Variants in RNF213 observed in about 807,000 individuals in gnomAD.
RNF213 encodes the protein E3 ubiquitin-protein ligase RNF213.
RNF213 carries 341 observed loss-of-function variants against 514.4 expected under a neutral mutation model. The observed-to-expected ratio is 0.66, with a 90% CI of 0.61 to 0.73. RNF213 has a LOEUF of 0.73. RNF213 is among the 30% of genes least tolerant of loss of function. The probability of loss-of-function intolerance (pLI) is 0.00; values close to 1 mark genes in which losing one functional copy is unlikely to be tolerated. For synonymous variants in RNF213, 2,655 were observed against 2,658.2 expected (o/e 1.00, Z 0.04); for missense variants, 5,767 against 6,615.6 (o/e 0.87, Z 4.45).
chr17:80,353,022 C>T lies in RNF213; in HGVS notation c.10386C>T (p.Thr3462=). Residue 3462 remains threonine, a synonymous_variant, in exon 33 of 68, where the codon ACC becomes ACT. Coordinates refer to ENST00000582970, the MANE Select transcript of RNF213 (RefSeq NM_001256071.3). This position sits in a 1 kb window ranked among gnomAD's most constrained non-coding sequence, Gnocchi z 5.0. Reference sequence around the variant, plus strand: ...ATGTGACCAGGCTGCAGCATGTCACCATCAGCCAGCTGTTCGCGCCCGGAG... The same window carrying T: ...ATGTGACCAGGCTGCAGCATGTCACTATCAGCCAGCTGTTCGCGCCCGGAG... ...VSDVTRLQHV[T]ISQLFAPGDL... The T allele has an allele frequency of 6.2e-7, 1 of 1,613,672 alleles. No individual in the cohort carries two copies. The highest frequency in any genetic ancestry group is 1.3e-5 in the African/African-American group (1 of 75,058).
chr17:80,360,726 G>A (rs1233489290), intron 38 of RNF213, among the ~76,000 whole-genome samples: 1 of 152,092 alleles, frequency 6.6e-6, no homozygotes, highest in African/African-American at 2.4e-5. Flanking sequence ...CCAGATGCCA[G>A]AAGATTTGCC....
intron 35 of RNF213, 28 bp from the exon 36 acceptor site, chr17:80,354,413 C>G: frequency 1.2e-6 from 2 of 1,614,178 alleles, no homozygotes; most frequent in African/African-American, 1.3e-5. Context: ...CACGGCCATG[C>G]TGAACGTCTG....
At chr17:80,292,938 A>G (rs1174355115) in intron 8 of RNF213, among the ~76,000 whole-genome samples, 2 of 151,972 alleles carry the variant, frequency 1.3e-5, no homozygotes, top group African/African-American at 4.8e-5. Flanking sequence ...TATGTTGTTC[A>G]TGTGTTGTTT....
intron 3 of RNF213, among the ~76,000 whole-genome samples, chr17:80,278,222 G>C (rs2044138410): frequency 6.6e-6 from 1 of 152,176 alleles, no homozygotes; most frequent in South Asian, 2.1e-4. Flanking sequence ...GCGTCTTGCT[G>C]TGAGGTCTCC....
intron 44 of RNF213, 75 bp downstream of exon 44, chr17:80,368,218 A>G: frequency 6.7e-7 from 1 of 1,495,970 alleles, no homozygotes; most frequent in Non-Finnish European, 9.3e-7. Context: ...ATTCAGAAAT[A>G]TAAACTCTAT....
chr17:80,374,888 A>G, intron 50 of RNF213: 1 of 408,066 alleles, frequency 2.5e-6, no homozygotes, highest in Non-Finnish European at 4.6e-6. Context: ...TTCCTTTGAG[A>G]CCCTGCTGGA....
chr17:80,375,994 C>A (rs917093399), intron 51 of RNF213, 124 bp downstream of exon 51: 7 of 826,862 alleles, frequency 8.5e-6, no homozygotes, highest in Non-Finnish European at 1.4e-5. Context: ...AGGTTCTCAA[C>A]CTTGTTATGT....
chr17:80,345,746 G>T lies in RNF213; in HGVS notation c.7411G>T (p.Ala2471Ser), dbSNP rs780512396. The T allele has an allele frequency of 2.5e-6, 4 of 1,614,220 alleles. No individual in the cohort carries two copies. Among genetic ancestry groups the T allele is most frequent in the South Asian group, 2.2e-5 (2 of 91,086 alleles). The stretch of plus-strand genomic sequence containing the variant: ...CAGAGTCAGGGAGGCTGAAAATGTG[G>T]CCTTCGCCAATAAGGACCAACATCA... ...YSRVREAENV[A>S]FANKDQHQLD... is the part of the protein sequence containing the mutation. The change falls in exon 29 of 68, where the codon GCC becomes TCC. Residue 2471 changes from alanine to serine, a missense_variant. Transcript: ENST00000582970. The surrounding 1 kb of genome is among the most constrained non-coding windows in gnomAD (Gnocchi z 6.0).
intron 61 of RNF213, among the ~76,000 whole-genome samples, 195 bp from the exon 62 acceptor site, chr17:80,386,055 T>G (rs748037692): frequency 2.0e-5 from 3 of 152,166 alleles, no homozygotes; most frequent in Non-Finnish European, 4.4e-5. Flanking sequence ...CTCAGTACTC[T>G]TCAGTCCCTA....
At chr17:80,295,529 A>T (rs746843896) in intron 9 of RNF213, 28 bp from the exon 10 acceptor site, 2 of 1,613,650 alleles carry the variant, frequency 1.2e-6, no homozygotes, top group East Asian at 4.5e-5. Context: ...TCCATGGTTC[A>T]TGCATCTTCC....
chr17:80,372,124 C>T (rs1020799937), intron 47 of RNF213, 139 bp downstream of exon 47: 4 of 686,864 alleles, frequency 5.8e-6, no homozygotes, highest in South Asian at 3.3e-5. Context: ...GTTTCAAAGA[C>T]GCGGCTTCTG....
chr17:80,289,779 G>A lies in RNF213; in HGVS notation c.1054G>A (p.Val352Met). The change falls in exon 6 of 68, where the codon GTG (valine) becomes ATG (methionine). Residue 352 changes from valine to methionine, a missense_variant. This residue lies in a region of RNF213 where 509 missense variants were observed against 496.7 expected (regional missense o/e 1.02). Coordinates refer to ENST00000582970, the MANE Select transcript of RNF213 (RefSeq NM_001256071.3). Reference sequence around the variant, plus strand: ...GGGGAAGAACAGAAGTGCAGCTGCTGTGAAAAACGAGAAGGAGCAAAAAAA... The same window carrying A: ...GGGGAAGAACAGAAGTGCAGCTGCTATGAAAAACGAGAAGGAGCAAAAAAA... Reference protein sequence around the residue: ...PEGKNRSAAAVKNEKEQKNQE... With the variant: ...PEGKNRSAAAMKNEKEQKNQE... 2 of 1,613,690 alleles carry A rather than the reference G, an allele frequency of 1.2e-6. No individual in the cohort carries two copies. The highest frequency in any genetic ancestry group is 1.7e-6 in the Non-Finnish European group (2 of 1,179,884).
At chr17:80,321,579 C>T (rs1481096836) in intron 17 of RNF213, 3 of 152,176 alleles carry the variant, frequency 2.0e-5, no homozygotes, top group Non-Finnish European at 2.9e-5. Context: ...AAAGAACTGT[C>T]CGGCCGAGTC....
rs1191474303 is a variant in RNF213, at chr17:80,382,699, A to G, written c.13979-280A>G. 8 of 368,246 alleles carry G rather than the reference A, an allele frequency of 2.2e-5. No individual in the cohort carries two copies. In the Admixed American group the frequency reaches 3.1e-4, roughly 14 times the overall value. 22.8% of individuals were successfully genotyped at this position (368,246 alleles called of 1,614,324 possible). ...GGCGGTAGCCTGGGCCACTCTTACT[A>G]TTGAGCTCAAGTTCTGTTCTTTCAG... On this transcript the variant is annotated intron_variant, in intron 57 of 67. Coordinates refer to ENST00000582970, the MANE Select transcript of RNF213 (RefSeq NM_001256071.3).
At chr17:80,386,211 G>A (rs2080229435) in intron 61 of RNF213, 39 bp from the exon 62 acceptor site, 2 of 1,581,672 alleles carry the variant, frequency 1.3e-6, no homozygotes, top group African/African-American at 2.7e-5. Context: ...TGAGGAGTTG[G>A]AACTCCTCTC....
In RNF213 at chr17:80,317,106, T is replaced by C; in HGVS notation, c.2812-82T>C. On this transcript the variant is annotated intron_variant, in intron 15 of 67. Transcript: ENST00000582970. This position sits in a 1 kb window ranked among gnomAD's most constrained non-coding sequence, Gnocchi z 4.1. ...TCCCGCGCTCTCTGTATTGCCGTAA[T>C]GCTCTGTCTTTCTCCTTTCATGGGA... 1 of 1,447,510 alleles carries C rather than the reference T, an allele frequency of 6.9e-7. No homozygotes were observed. 89.7% of individuals were successfully genotyped at this position (1,447,510 alleles called of 1,614,324 possible). A position where few individuals can be genotyped will look rare whatever the true frequency, so the allele number is the denominator to read the frequency against.
chr17:80,356,046 G>C (rs1480593096), intron 36 of RNF213, among the ~76,000 whole-genome samples: 1 of 150,204 alleles, frequency 6.7e-6, no homozygotes, highest in Non-Finnish European at 1.5e-5. Flanking sequence ...CTGTCGCCCA[G>C]GCTGGAGTGC....
rs2079061502 is a variant in RNF213, at chr17:80,361,718, G to C, written c.11201-16G>C. The C allele has an allele frequency of 6.2e-7, 1 of 1,612,046 alleles. No homozygotes were observed. Among genetic ancestry groups the C allele is most frequent in the Admixed American group, 1.7e-5 (1 of 59,934 alleles). The stretch of plus-strand genomic sequence containing the variant: ...TTAGACGCACTCCAGGCCGCTCCTT[G>C]GTTTCCTCTCTGCAGGACTGCCCAA... On this transcript the variant is annotated splice_polypyrimidine_tract_variant and intron_variant, in intron 38 of 67. Transcript: ENST00000582970.
chr17:80,378,770 G>C (rs1283270711), intron 54 of RNF213, among the ~76,000 whole-genome samples: 1 of 152,184 alleles, frequency 6.6e-6, no homozygotes, highest in Non-Finnish European at 1.5e-5. Context: ...CTGAAATTCT[G>C]TAACTGGTTT....
Sources: allele counts gnomAD v4.1 joint callset (sites outside exome capture counted in the v4.1 genomes callset), GRCh38; gene constraint gnomAD v4.1.1; regional missense constraint gnomAD v4.1.1; non-coding constraint Gnocchi (gnomAD v3.1); transcripts MANE v1.5; gene names NCBI Gene and HGNC (gene_info 2026-07-23, HGNC 2026-07-21).